FUZ: variants seen among roughly 807,000 people sequenced by gnomAD.
FUZ encodes the protein protein fuzzy homolog.
A neutral mutation model predicts 43.1 loss-of-function variants in FUZ; 31 were observed. That is an observed-to-expected ratio of 0.72 (90% CI 0.54 to 0.97). The LOEUF is 0.97. FUZ is among the 50% of genes least tolerant of loss of function. The pLI, the probability that FUZ is intolerant of heterozygous loss-of-function variation, is 0.00. For synonymous variants in FUZ, 274 were observed against 250.0 expected, an observed-to-expected ratio of 1.10 and a Z score of -0.91; for missense variants, 539 against 543.8, an observed-to-expected ratio of 0.99 and a Z score of 0.09.
At chr19:49,808,307 T>C in intron 10 of FUZ, 107 bp downstream of exon 10, 2 of 1,138,660 alleles carry the variant, frequency 1.8e-6, no homozygotes, top group Non-Finnish European at 2.6e-6. Flanking sequence ...GCCCAGTGCA[T>C]ACTGGGTTCC....
Position 49,813,132 on chromosome 19 carries a change from C to G in FUZ, c.-26G>C. ...TTAGGACTCCCACCGCGGTCCCTCA[C>G]GTGGGGACTGTCAGTGCGGGTCTTG... On this transcript the variant is annotated 5_prime_UTR_variant, in exon 1 of 11. Coordinates refer to ENST00000313777, the MANE Select transcript of FUZ (RefSeq NM_025129.5). 1 of 1,522,470 alleles carries G rather than the reference C, an allele frequency of 6.6e-7. No individual in the cohort carries two copies. The highest frequency in any genetic ancestry group is 1.4e-5 in the African/African-American group (1 of 72,628). The allele number at this position is 1,522,470 out of a possible 1,614,324, so 94.3% of individuals were successfully genotyped here.
intron 5 of FUZ, 49 bp downstream of exon 5, chr19:49,811,314 G>T: frequency 7.5e-7 from 1 of 1,330,912 alleles, no homozygotes; most frequent in Non-Finnish European, 1.1e-6. Context: ...TGAGGACTGA[G>T]CCAGGGCCAG....
chr19:49,812,453 T>C, intron 2 of FUZ, 118 bp from the exon 3 acceptor site: 3 of 1,322,188 alleles, frequency 2.3e-6, no homozygotes. Context: ...CAACCTGCCT[T>C]TCTTATAGAG....
chr19:49,809,699 G>C lies in FUZ; in HGVS notation c.493-124C>G, dbSNP rs1425755691. 5 of 936,130 alleles carry C rather than the reference G, an allele frequency of 5.3e-6. No homozygotes were observed. In the African/African-American group the frequency reaches 6.5e-5, roughly 12 times the overall value. The allele number at this position is 936,130 out of a possible 1,614,324, so 58.0% of individuals were successfully genotyped here. The stretch of plus-strand genomic sequence containing the variant: ...AGCCCCGAGCTCGCGCAGTGGCCAT[G>C]CTCCTACGTCTCACCCTCTCTGAGC... On this transcript the variant is annotated intron_variant, in intron 5 of 10. Coordinates refer to ENST00000313777, the MANE Select transcript of FUZ (RefSeq NM_025129.5). This position sits in a 1 kb window ranked among gnomAD's most constrained non-coding sequence, Gnocchi z 5.1.
At chr19:49,807,835 T>G (rs1301016151) in intron 10 of FUZ, among the ~76,000 whole-genome samples, 2 of 152,204 alleles carry the variant, frequency 1.3e-5, no homozygotes, top group Non-Finnish European at 2.9e-5. Context: ...CGGGCTTCAC[T>G]GGGGTCACAG....
At chr19:49,808,125 G>C (rs1182469252) in intron 10 of FUZ, 2 of 497,824 alleles carry the variant, frequency 4.0e-6, no homozygotes, top group Admixed American at 6.4e-5. Flanking sequence ...CTGTGAGGAT[G>C]AAGTGATTTC....
chr19:49,808,226 C>T (rs1006823480), intron 10 of FUZ, 188 bp downstream of exon 10: 13 of 674,358 alleles, frequency 1.9e-5, no homozygotes, highest in Admixed American at 1.1e-4. Context: ...TGAAGCCAGG[C>T]GGGGACCTCC....
In FUZ at chr19:49,813,246, C is replaced by G; in HGVS notation, c.-140G>C. 2.5e-6 allele frequency: 2 copies of G among 792,300 alleles called. No homozygotes were observed. Among genetic ancestry groups the G allele is most frequent in the Non-Finnish European group, 4.3e-6 (2 of 462,146 alleles). The allele number at this position is 792,300 out of a possible 1,614,324, so 49.1% of individuals were successfully genotyped here. A position where few individuals can be genotyped will look rare whatever the true frequency, so the allele number is the denominator to read the frequency against. On this transcript the variant is annotated 5_prime_UTR_variant, in exon 1 of 11. Coordinates refer to ENST00000313777, the MANE Select transcript of FUZ (RefSeq NM_025129.5). ...AGCTGATTGGAAGAGGATTAACTTCCCGCCTTCTTCACCCAACTCAAACAG... is the reference window on the plus strand; with the variant it reads ...AGCTGATTGGAAGAGGATTAACTTCGCGCCTTCTTCACCCAACTCAAACAG...
intron 5 of FUZ, among the ~76,000 whole-genome samples, chr19:49,810,403 G>A (rs902152919): frequency 3.3e-5 from 5 of 151,930 alleles, no homozygotes; most frequent in African/African-American, 1.2e-4. Context: ...AGCCGGGCGC[G>A]GTGGCTCATG....
chr19:49,812,831 C>T (rs1402818266), intron 1 of FUZ, 95 bp from the exon 2 acceptor site: 2 of 1,524,048 alleles, frequency 1.3e-6, no homozygotes, highest in East Asian at 2.2e-5. Context: ...ATCCTCTTTC[C>T]ATATGACCTG....
At chr19:49,807,763 G>A (rs986163723) in intron 10 of FUZ, among the ~76,000 whole-genome samples, 3 of 152,174 alleles carry the variant, frequency 2.0e-5, no homozygotes, top group African/African-American at 7.2e-5. Flanking sequence ...AGGTGGAGTC[G>A]CACAGCTAAG....
Position 49,813,199 on chromosome 19 carries a change from G to T in FUZ, c.-93C>A. On this transcript the variant is annotated 5_prime_UTR_variant, in exon 1 of 11. Transcript: ENST00000313777. ...AGAGTAACTCGGCCTGTGGTCCGGA[G>T]CCGCCAGAGGGCGAGATGGGGAGCT... 1 of 1,145,562 alleles carries T rather than the reference G, an allele frequency of 8.7e-7. No individual in the cohort carries two copies. Among genetic ancestry groups the T allele is most frequent in the Non-Finnish European group, 1.3e-6 (1 of 778,438 alleles). The allele number at this position is 1,145,562 out of a possible 1,614,324, so 71.0% of individuals were successfully genotyped here.
At position 49,809,191 on chromosome 19, in the gene FUZ, C is replaced by T. The variant is rs1177412500; in HGVS notation, c.758G>A (p.Ser253Asn). The T allele has an allele frequency of 6.4e-7, 1 of 1,551,636 alleles. No homozygotes were observed. The highest frequency in any genetic ancestry group is 8.7e-7 in the Non-Finnish European group (1 of 1,147,156). ...SLELCLLCGP[S>N]PPLSQLYPQL... ...TGGATACAACTGGCTGAGGGGTGGG[C>T]TCGGCCCGCAGAGTAGACACAGCTC... Residue 253 changes from serine (S) to asparagine (N), a missense_variant, in exon 7 of 11, where the codon AGC (serine) becomes AAC (asparagine). Physicochemically the swap from Ser to Asn is conservative, Grantham distance 46. Coordinates refer to ENST00000313777, the MANE Select transcript of FUZ (RefSeq NM_025129.5). The surrounding 1 kb of genome is among the most constrained non-coding windows in gnomAD (Gnocchi z 5.1).
At position 49,809,435 on chromosome 19, in the gene FUZ, G is replaced by A. The variant is rs761502069; in HGVS notation, c.633C>T (p.Ser211=). Residue 211 remains serine (S), a synonymous_variant, in exon 6 of 11, where the codon TCC becomes TCT. Coordinates refer to ENST00000313777, the MANE Select transcript of FUZ (RefSeq NM_025129.5). This position sits in a 1 kb window ranked among gnomAD's most constrained non-coding sequence, Gnocchi z 5.1. ...EAVLLPWLVG[S]LPPQTARDYP... is the part of the protein sequence containing the mutation. ...AGTCGCGAGCGGTCTGCGGCGGCAGGGACCCCACCAGCCAGGGGAGCAGCA... is the reference window on the plus strand; with the variant it reads ...AGTCGCGAGCGGTCTGCGGCGGCAGAGACCCCACCAGCCAGGGGAGCAGCA... 6.7e-5 allele frequency: 104 copies of A among 1,545,850 alleles called. No homozygotes were observed. Among genetic ancestry groups the A allele is most frequent in the Non-Finnish European group, 8.3e-5 (95 of 1,148,562 alleles).
At chr19:49,808,921 G>A in intron 7 of FUZ, 98 bp from the exon 8 acceptor site, 1 of 1,008,578 alleles carries the variant, frequency 9.9e-7, no homozygotes, top group Non-Finnish European at 1.5e-6. Flanking sequence ...TCAATCGGGA[G>A]GGGCGGGGCC....
At chr19:49,813,305 C>T (rs1451647698), upstream of FUZ, 2 of 680,804 alleles carry the variant, frequency 2.9e-6, no homozygotes, top group Non-Finnish European at 5.4e-6. Flanking sequence ...CTCCCCCAAA[C>T]CCATTAGGTT....
intron 2 of FUZ, 39 bp from the exon 3 acceptor site, chr19:49,812,374 G>A (rs578167725): frequency 4.5e-6 from 7 of 1,565,942 alleles, no homozygotes; most frequent in East Asian, 4.5e-5. Context: ...CAAGGCCTGG[G>A]GAATCAGGAA....
Position 49,808,486 on chromosome 19 carries a change from G to A in FUZ, c.961C>T (p.Pro321Ser), listed in dbSNP as rs368976939. 421 of 1,611,236 alleles carry A rather than the reference G, an allele frequency of 2.6e-4. 1 individual carries two copies. Among genetic ancestry groups the A allele is most frequent in the Middle Eastern group, 3.4e-4 (2 of 5,876 alleles). ...AGGCGCCGGCGCTGTTCTGGTGAAG[G>A]CTCTGCTGGGAGGAAAAGGCGGTGA... Reference protein sequence around the residue: ...FTVEPLGDKEPSPEQRRRLLR... With the variant: ...FTVEPLGDKESSPEQRRRLLR... The change falls in exon 10 of 11, where the codon CCT (proline) becomes TCT (serine). Residue 321 changes from proline to serine, a missense_variant and splice_region_variant. Pro to Ser is a moderately conservative substitution (Grantham distance 74, BLOSUM62 -1). Transcript: ENST00000313777.
intron 10 of FUZ, chr19:49,808,032 A>G (rs1403247707): frequency 5.5e-6 from 2 of 366,408 alleles, no homozygotes; most frequent in Non-Finnish European, 1.1e-5. Flanking sequence ...CCTGTGTTCA[A>G]ATATGGCTCT....
Sources: allele counts gnomAD v4.1 joint callset (sites outside exome capture counted in the v4.1 genomes callset), GRCh38; gene constraint gnomAD v4.1.1; non-coding constraint Gnocchi (gnomAD v3.1); transcripts MANE v1.5; gene names NCBI Gene and HGNC (gene_info 2026-07-23, HGNC 2026-07-21).